CKAP5: variants seen among roughly 807,000 people sequenced by gnomAD.
The protein encoded by CKAP5 is cytoskeleton associated protein 5, also known as cytoskeleton-associated protein 5.
CKAP5 carries 27 observed loss-of-function variants against 232.8 expected under a neutral mutation model. The ratio of observed to expected loss-of-function variants is 0.12; its 90% confidence interval spans 0.09 to 0.16. The LOEUF (loss-of-function observed/expected upper bound fraction) is 0.16, where lower values mean the gene tolerates loss of function less well. Among genes scored for constraint, CKAP5 ranks in the 10% least tolerant of loss-of-function variants. The pLI is 1.00. For synonymous variants in CKAP5, 785 were observed against 841.1 expected (o/e 0.93, Z 1.16); for missense variants, 1,838 against 2,424.7 (o/e 0.76, Z 5.08).
rs2065001937 is a variant in CKAP5 at position 46,743,804 on chromosome 11, T to G, written c.*219A>C. ...GGCAGCTGTTTACAAGTCTGTACAC[T>G]AAACTCATCCACGGACAGTCTTCTA... On this transcript the variant is annotated 3_prime_UTR_variant, in exon 44 of 44. Coordinates refer to ENST00000529230, the MANE Select transcript of CKAP5 (RefSeq NM_001008938.4). 1.7e-6 allele frequency: 1 copy of G among 589,214 alleles called. No homozygotes were observed. Among genetic ancestry groups the G allele is most frequent in the Admixed American group, 3.0e-5 (1 of 33,262 alleles). The allele number at this position is 589,214 out of a possible 1,614,324, so 36.5% of individuals were successfully genotyped here. A position where few individuals can be genotyped will look rare whatever the true frequency, so the allele number is the denominator to read the frequency against.
chr11:46,843,055 A>C (rs926829451), intron 1 of CKAP5, among the ~76,000 whole-genome samples: 1 of 151,528 alleles, frequency 6.6e-6, no homozygotes, highest in African/African-American at 2.4e-5. Flanking sequence ...AGGCCAAGAC[A>C]GGATGATCAC....
chr11:46,832,809 T>C (rs1939822470), intron 1 of CKAP5, among the ~76,000 whole-genome samples: 1 of 152,152 alleles, frequency 6.6e-6, no homozygotes, highest in Admixed American at 6.5e-5. Flanking sequence ...ATTCCCTCCA[T>C]AGCCAGGTGT....
chr11:46,747,785 C>T (rs961568182), intron 42 of CKAP5, among the ~76,000 whole-genome samples: 4 of 151,940 alleles, frequency 2.6e-5, no homozygotes, highest in African/African-American at 4.8e-5. Context: ...GGAGGCCAGG[C>T]GTGGTGGCTC....
rs748423567 is a variant in CKAP5, at chr11:46,783,355, G to C, written c.2168C>G (p.Ala723Gly). 6.2e-7 allele frequency: 1 copy of C among 1,606,834 alleles called. No individual in the cohort carries two copies. Among genetic ancestry groups the C allele is most frequent in the Non-Finnish European group, 8.5e-7 (1 of 1,174,832 alleles). ...PWTAEQVVSM[A>G]FSQKNPKNQS... ...ATTTTTGGGATTCTTTTGTGAGAAA[G>C]CCATTGACACAACCTGAAAAGGGAA... is the stretch of plus-strand genomic sequence containing the variant. The change falls in exon 18 of 44, where the codon GCT (alanine) becomes GGT (glycine). Residue 723 changes from alanine to glycine, a missense_variant. Ala to Gly is a moderately conservative substitution (Grantham distance 60). Transcript: ENST00000529230.
At chr11:46,793,748 C>T (rs1209855918) in intron 13 of CKAP5, among the ~76,000 whole-genome samples, 1 of 152,092 alleles carries the variant, frequency 6.6e-6, no homozygotes, top group African/African-American at 2.4e-5. Context: ...CACGGCAAAA[C>T]CCCATCTCTA....
At chr11:46,797,073 T>C in intron 11 of CKAP5, 133 bp from the exon 12 acceptor site, 3 of 976,784 alleles carry the variant, frequency 3.1e-6, no homozygotes, top group Non-Finnish European at 1.5e-6. Context: ...TAGCTTTCCT[T>C]GTGCCAATTG....
chr11:46,814,131 C>CAAAAAAAA (rs60142188), intron 4 of CKAP5, among the ~76,000 whole-genome samples: 3 of 81,266 alleles, frequency 3.7e-5, no homozygotes, highest in Non-Finnish European at 6.8e-5. Flanking sequence ...GACCTTGTCT[C>CAAAAAAAA]AAAAAAAAAA....
Position 46,750,306 on chromosome 11 carries a change from C to G in CKAP5, c.5672G>C (p.Arg1891Thr). ...AGTGGAAATACGACCTTTGCCCTCCCTCTCCATCTCAATCACCCGAAGGCC... is the reference window on the plus strand; with the variant it reads ...AGTGGAAATACGACCTTTGCCCTCCGTCTCCATCTCAATCACCCGAAGGCC... ...ERGLRVIEMEREGKGRISTST... is the reference protein window; with the variant it reads ...ERGLRVIEMETEGKGRISTST... The change falls in exon 42 of 44, where the codon AGG (arginine) becomes ACG (threonine). Residue 1891 changes from arginine (R) to threonine (T), a missense_variant. Physicochemically the swap from Arg to Thr is moderately conservative, Grantham distance 71 (BLOSUM62 -1). Coordinates refer to ENST00000529230, the MANE Select transcript of CKAP5 (RefSeq NM_001008938.4). The G allele has an allele frequency of 6.2e-7, 1 of 1,614,192 alleles. No homozygotes were observed. Among genetic ancestry groups the G allele is most frequent in the East Asian group, 2.2e-5 (1 of 44,888 alleles).
intron 17 of CKAP5, 112 bp downstream of exon 17, chr11:46,784,376 T>C: frequency 1.2e-6 from 1 of 859,796 alleles, no homozygotes; most frequent in Non-Finnish European, 1.8e-6. Context: ...AAAAATGCAG[T>C]ATCAAAAAAG....
chr11:46,762,645 T>G lies in CKAP5; in HGVS notation c.4009A>C (p.Asn1337His). Reference sequence around the variant, plus strand: ...GCTTCACCTGCTCTCTGCTTAGAGTTTTTGGATTTGGTTCCTTCCATGATA... The same window carrying G: ...GCTTCACCTGCTCTCTGCTTAGAGTGTTTGGATTTGGTTCCTTCCATGATA... Reference protein sequence around the residue: ...PFIMEGTKSKNSKQRAECLEE... With the variant: ...PFIMEGTKSKHSKQRAECLEE... The change falls in exon 31 of 44, where the codon AAC (asparagine) becomes CAC (histidine). Residue 1337 changes from asparagine to histidine, a missense_variant. Physicochemically the swap from Asn to His is moderately conservative, Grantham distance 68. This residue lies in a region of CKAP5 where 579 missense variants were observed against 843.2 expected (regional missense o/e 0.69). Transcript: ENST00000529230. The G allele has an allele frequency of 6.2e-7, 1 of 1,614,166 alleles. No homozygotes were observed. The highest frequency in any genetic ancestry group is 8.5e-7 in the Non-Finnish European group (1 of 1,179,992).
rs538291249 is a variant in CKAP5 at position 46,809,975 on chromosome 11, C to T, written c.631-101G>A. The T allele has an allele frequency of 5.7e-4, 573 of 1,013,554 alleles. 2 individuals are homozygous for T. In the African/African-American group the frequency reaches 8.4e-3, roughly 15 times the overall value. 62.8% of individuals were successfully genotyped at this position (1,013,554 alleles called of 1,614,324 possible). A position where few individuals can be genotyped will look rare whatever the true frequency, so the allele number is the denominator to read the frequency against. On this transcript the variant is annotated intron_variant, in intron 5 of 43. Transcript: ENST00000529230. ...TGACATATCAGGACCCAATTTCTTTCTTTTTTTTTTATTGGAGACAGAGTC... is the reference window on the plus strand; with the variant it reads ...TGACATATCAGGACCCAATTTCTTTTTTTTTTTTTTATTGGAGACAGAGTC...
chr11:46,761,293 A>G (rs1445812305), intron 32 of CKAP5, among the ~76,000 whole-genome samples: 1 of 151,618 alleles, frequency 6.6e-6, no homozygotes, highest in Non-Finnish European at 1.5e-5. Flanking sequence ...AAAGCCAATT[A>G]GTAACTACAA....
intron 25 of CKAP5, among the ~76,000 whole-genome samples, 179 bp downstream of exon 25, chr11:46,770,609 T>C (rs1273707097): frequency 6.6e-6 from 1 of 152,128 alleles, no homozygotes; most frequent in Non-Finnish European, 1.5e-5. Flanking sequence ...ATTTTGTTTT[T>C]GTAGAGATGG....
At position 46,762,673 on chromosome 11, in the gene CKAP5, G is replaced by C; in HGVS notation, c.3981C>G (p.Pro1327=). 1 of 1,614,130 alleles carries C rather than the reference G, an allele frequency of 6.2e-7. No homozygotes were observed. The highest frequency in any genetic ancestry group is 8.5e-7 in the Non-Finnish European group (1 of 1,179,970). The change falls in exon 31 of 44, where the codon CCC becomes CCG. Residue 1327 remains proline, a synonymous_variant. Coordinates refer to ENST00000529230, the MANE Select transcript of CKAP5 (RefSeq NM_001008938.4). Reference sequence around the variant, plus strand: ...TGGATTTGGTTCCTTCCATGATAAAGGGAAACATCTTGCTAGCTGGGTAGA... The same window carrying C: ...TGGATTTGGTTCCTTCCATGATAAACGGAAACATCTTGCTAGCTGGGTAGA... ...CLVYPASKMF[P]FIMEGTKSKN...
At chr11:46,812,510 G>A (rs1210570483) in intron 4 of CKAP5, among the ~76,000 whole-genome samples, 2 of 152,106 alleles carry the variant, frequency 1.3e-5, no homozygotes, top group East Asian at 3.8e-4. Flanking sequence ...AATTCTGTAT[G>A]AGTAGTAGGA....
At chr11:46,810,901 A>C in intron 5 of CKAP5, 106 bp downstream of exon 5, 7 of 1,064,100 alleles carry the variant, frequency 6.6e-6, no homozygotes, top group Non-Finnish European at 9.2e-6. Context: ...TTCAAAATTA[A>C]GAATGTAAAA....
intron 16 of CKAP5, among the ~76,000 whole-genome samples, chr11:46,786,304 A>G (rs1315632394): frequency 1.3e-5 from 2 of 152,170 alleles, no homozygotes; most frequent in African/African-American, 4.8e-5. Context: ...CAAAACCTGA[A>G]GTCTTGTAAC....
At position 46,754,946 on chromosome 11, in the gene CKAP5, T is replaced by A. The variant is rs749293130; in HGVS notation, c.4811A>T (p.Lys1604Ile). ...CTTGATGATCTCGTCCTTCTCCAATTTCTCATCTGCCATGTGTGTGTTGTA... is the reference window on the plus strand; with the variant it reads ...CTTGATGATCTCGTCCTTCTCCAATATCTCATCTGCCATGTGTGTGTTGTA... ...LIYNTHMADEKLEKDEIIKLY... is the reference protein window; with the variant it reads ...LIYNTHMADEILEKDEIIKLY... The change falls in exon 36 of 44, where the codon AAA becomes ATA. Residue 1604 changes from lysine (K) to isoleucine (I), a missense_variant. Around this residue, in one of 6 missense-constraint regions of CKAP5, gnomAD observed 579 missense variants for 843.2 expected, o/e 0.69. Transcript: ENST00000529230. 1.2e-6 allele frequency: 2 copies of A among 1,613,976 alleles called. No homozygotes were observed. Among genetic ancestry groups the A allele is most frequent in the Admixed American group, 3.3e-5 (2 of 59,994 alleles).
intron 42 of CKAP5, among the ~76,000 whole-genome samples, chr11:46,748,106 G>A (rs189797194): frequency 1.3e-3 from 202 of 152,200 alleles, no homozygotes; most frequent in African/African-American, 4.7e-3. Context: ...TAGGTGATGA[G>A]GTACTAGGGG....
Sources: gnomAD v4.1 joint callset for allele counts (sites outside exome capture counted in the v4.1 genomes callset) on GRCh38, gnomAD v4.1.1 for gene constraint, gnomAD v4.1.1 regional missense constraint, MANE v1.5 for transcripts, NCBI Gene and HGNC (gene_info 2026-07-23, HGNC 2026-07-21) for gene names.